RFC3: variants seen among roughly 807,000 people sequenced by gnomAD.
RFC3 encodes replication factor C subunit 3.
A neutral mutation model predicts 45.1 loss-of-function variants in RFC3; 41 were observed. The ratio of observed to expected loss-of-function variants is 0.91; its 90% confidence interval spans 0.71 to 1.18. The LOEUF (loss-of-function observed/expected upper bound fraction) is 1.18, where lower values mean the gene tolerates loss of function less well. Among genes scored for constraint, RFC3 ranks in the 50% most tolerant of loss-of-function variants. The pLI, the probability that RFC3 is intolerant of heterozygous loss-of-function variation, is 0.00. For synonymous variants in RFC3, 149 were observed against 144.0 expected (o/e 1.03, Z -0.25); for missense variants, 423 against 428.1 (o/e 0.99, Z 0.10).
chr13:33,941,365 C>A (rs2082923080), intron 8 of RFC3, among the ~76,000 whole-genome samples: 1 of 151,944 alleles, frequency 6.6e-6, no homozygotes, highest in South Asian at 2.1e-4. Flanking sequence ...TTTATTCCTT[C>A]TTGCATTTTG....
intron 8 of RFC3, among the ~76,000 whole-genome samples, chr13:33,883,174 T>G (rs2082496377): frequency 6.6e-6 from 1 of 152,342 alleles, no homozygotes; most frequent in African/African-American, 2.4e-5. Flanking sequence ...TGGAAGTAAC[T>G]GAGTAACAAC....
intron 8 of RFC3, among the ~76,000 whole-genome samples, chr13:33,863,744 C>T (rs1435524581): frequency 6.6e-6 from 1 of 152,126 alleles, no homozygotes; most frequent in Non-Finnish European, 1.5e-5. Flanking sequence ...TTGTTACTGC[C>T]CTGCTGTATA....
intron 1 of RFC3, 47 bp downstream of exon 1, chr13:33,818,312 C>G (rs1461711232): frequency 6.5e-7 from 1 of 1,541,048 alleles, no homozygotes; most frequent in Admixed American, 1.7e-5. Flanking sequence ...GGCCCCCCGG[C>G]TCGGGGTTTC....
intron 8 of RFC3, among the ~76,000 whole-genome samples, chr13:33,940,480 C>T (rs564738061): frequency 1.1e-4 from 16 of 152,208 alleles, no homozygotes; most frequent in Admixed American, 3.3e-4. Flanking sequence ...GTTACATGTG[C>T]GTGTGAAAAG....
At chr13:33,886,247 T>G (rs1374101972) in intron 8 of RFC3, among the ~76,000 whole-genome samples, 1 of 152,052 alleles carries the variant, frequency 6.6e-6, no homozygotes, top group Non-Finnish European at 1.5e-5. Flanking sequence ...TTTTCTAGAT[T>G]TTAAGAAAAT....
downstream of RFC3, among the ~76,000 whole-genome samples, chr13:33,840,013 A>G (rs928506352): frequency 6.6e-6 from 1 of 152,132 alleles, no homozygotes; most frequent in Admixed American, 6.6e-5. Context: ...TTTTGCTACT[A>G]TGGCTGCTTT....
At chr13:33,839,379 G>A (rs1054197091), downstream of RFC3, among the ~76,000 whole-genome samples, 1 of 152,130 alleles carries the variant, frequency 6.6e-6, no homozygotes, top group Non-Finnish European at 1.5e-5. Flanking sequence ...TCCTTGCCCC[G>A]ATGTTGAATC....
intron 8 of RFC3, among the ~76,000 whole-genome samples, chr13:33,942,000 A>G (rs2137805269): frequency 6.6e-6 from 1 of 152,180 alleles, no homozygotes; most frequent in South Asian, 2.1e-4. Flanking sequence ...TGTTCAGGGG[A>G]GCCCAATCTA....
At chr13:33,840,715 AT>A (rs34848194), downstream of RFC3, among the ~76,000 whole-genome samples, 2 of 151,212 alleles carry the variant, frequency 1.3e-5, no homozygotes, top group Admixed American at 1.3e-4. Context: ...TAAACAAAAA[AT>A]TTTTTTGAGA....
At chr13:33,890,483 G>T (rs115564456) in intron 8 of RFC3, among the ~76,000 whole-genome samples, 6 of 152,228 alleles carry the variant, frequency 3.9e-5, no homozygotes, top group African/African-American at 1.4e-4. Context: ...GGATGCCATC[G>T]TATTGACCCA....
chr13:33,826,534 G>A (rs900798019), intron 4 of RFC3, among the ~76,000 whole-genome samples: 5 of 151,926 alleles, frequency 3.3e-5, no homozygotes, highest in African/African-American at 1.2e-4. Context: ...TTATTGTTTT[G>A]TGAATTCGCT....
chr13:33,955,302 G>A (rs2083015248), intron 8 of RFC3, among the ~76,000 whole-genome samples: 1 of 152,142 alleles, frequency 6.6e-6, no homozygotes, highest in African/African-American at 2.4e-5. Context: ...TGGAGGACTT[G>A]TAAAAAAAGG....
At chr13:33,916,622 G>A (rs939642151) in intron 8 of RFC3, among the ~76,000 whole-genome samples, 2 of 152,124 alleles carry the variant, frequency 1.3e-5, no homozygotes, top group African/African-American at 4.8e-5. Context: ...CACTCACAGG[G>A]AGCAGCTGCA....
At chr13:33,918,570 G>A (rs2082747597) in intron 8 of RFC3, among the ~76,000 whole-genome samples, 1 of 152,126 alleles carries the variant, frequency 6.6e-6, no homozygotes, top group Non-Finnish European at 1.5e-5. Context: ...TAGAAATGTT[G>A]CTGCCTCCCT....
At chr13:33,834,104 A>T (rs191737734) in intron 7 of RFC3, among the ~76,000 whole-genome samples, 83 of 150,686 alleles carry the variant, frequency 5.5e-4, no homozygotes, top group African/African-American at 1.9e-3. Context: ...ACTGAGTTAA[A>T]TTATTTGTTT....
At chr13:33,820,408 A>G (rs1484917975) in intron 1 of RFC3, among the ~76,000 whole-genome samples, 1 of 152,250 alleles carries the variant, frequency 6.6e-6, no homozygotes, top group Admixed American at 6.5e-5. Context: ...GCTTCAAGAA[A>G]GAACTCATCA....
At chr13:33,947,636 A>G (rs942863445) in intron 8 of RFC3, among the ~76,000 whole-genome samples, 7 of 152,180 alleles carry the variant, frequency 4.6e-5, no homozygotes, top group African/African-American at 1.7e-4. Context: ...GACTCAGAAG[A>G]CAGGAAGATG....
At chr13:33,852,549 A>G (rs977701480) in intron 8 of RFC3, among the ~76,000 whole-genome samples, 2 of 152,166 alleles carry the variant, frequency 1.3e-5, no homozygotes, top group African/African-American at 2.4e-5. Flanking sequence ...AGAAACCTCA[A>G]AATTTGGTAT....
intron 8 of RFC3, among the ~76,000 whole-genome samples, chr13:33,955,490 G>C (rs992977379): frequency 5.9e-5 from 9 of 152,146 alleles, no homozygotes; most frequent in Non-Finnish European, 1.2e-4. Flanking sequence ...AAGGAGGGGC[G>C]TGAAAGGGAA....
Sources: allele counts gnomAD v4.1 joint callset (sites outside exome capture counted in the v4.1 genomes callset), GRCh38; gene constraint gnomAD v4.1.1; transcripts MANE v1.5; gene names NCBI Gene and HGNC (gene_info 2026-07-23, HGNC 2026-07-21).